The following THADA variants were observed in gnomAD, a reference collection of about 807,000 sequenced individuals.
THADA encodes THADA armadillo repeat containing, also known as tRNA (32-2'-O)-methyltransferase regulator THADA.
A neutral mutation model predicts 219.8 loss-of-function variants in THADA; 213 were observed. The ratio of observed to expected loss-of-function variants is 0.97; its 90% CI spans 0.87 to 1.09. The LOEUF (loss-of-function observed/expected upper bound fraction) is 1.09, where lower values mean the gene tolerates loss of function less well. Ranked by LOEUF, THADA falls within the 50% of genes least tolerant of loss-of-function variation. THADA has a pLI of 0.00. For synonymous variants in THADA, 1,018 were observed against 828.9 expected (o/e 1.23, Z -3.92); for missense variants, 2,956 against 2,311.3 (o/e 1.28, Z -5.72).
intron 22 of THADA, 37 bp downstream of exon 22, chr2:43,527,842 T>G: frequency 7.0e-7 from 1 of 1,432,596 alleles, no homozygotes; most frequent in Non-Finnish European, 9.8e-7. Context: ...GTATATTTAG[T>G]CTTTTTAAAA....
chr2:43,331,016 G>C (rs1435409958), intron 30 of THADA, among the ~76,000 whole-genome samples: 2 of 152,204 alleles, frequency 1.3e-5, no homozygotes, highest in African/African-American at 4.8e-5. Flanking sequence ...TAGGGAGTTA[G>C]GGTGCTTCTC....
chr2:43,286,692 T>G (rs1366679190), intron 35 of THADA, among the ~76,000 whole-genome samples: 1 of 151,902 alleles, frequency 6.6e-6, no homozygotes, highest in Non-Finnish European at 1.5e-5. Context: ...ACCACTGCAC[T>G]CCAGCCTGGG....
At chr2:43,258,105 C>T (rs1044404624) in intron 36 of THADA, among the ~76,000 whole-genome samples, 17 of 152,112 alleles carry the variant, frequency 1.1e-4, no homozygotes, top group Admixed American at 5.2e-4. Context: ...CAGCGGCCCA[C>T]GGAGCAGGCT....
rs1409989429 is a variant in THADA at position 43,595,954 on chromosome 2, A to G, written c.-48T>C. ...ACCTCGTGCACGTCGGCGTCTGAGA[A>G]GAGTCGCAGGCGCCTGGTCCAGTCC... is the stretch of plus-strand genomic sequence containing the variant. On this transcript the variant is annotated 5_prime_UTR_variant, in exon 1 of 38. Transcript: ENST00000405975. 6.6e-6 allele frequency: 1 copy of G among 152,348 alleles called. No homozygotes were observed. The highest frequency in any genetic ancestry group is 1.5e-5 in the Non-Finnish European group (1 of 68,042). The allele number at this position is 152,348 out of a possible 1,614,324, so 9.4% of individuals were successfully genotyped here. A position where few individuals can be genotyped will look rare whatever the true frequency, so the allele number is the denominator to read the frequency against.
chr2:43,538,073 G>A (rs1284132931), intron 21 of THADA, among the ~76,000 whole-genome samples: 1 of 152,038 alleles, frequency 6.6e-6, no homozygotes. Flanking sequence ...AATCTACCTA[G>A]TAGTTTCTTT....
rs1203838166 is a variant in THADA at position 43,566,705 on chromosome 2, G to T, written c.2304C>A (p.Val768=). 1 of 1,605,994 alleles carries T rather than the reference G, an allele frequency of 6.2e-7. No individual in the cohort carries two copies. The highest frequency in any genetic ancestry group is 2.2e-5 in the East Asian group (1 of 44,654). ...ACATTATTAAACACTTACCTTCTGG[G>T]ACATGAAAAACTTCAGCTATTGAAC... The part of the protein sequence containing the change: ...ILGSIAEVFH[V]PEGRIYTVYQ... Residue 768 remains valine, a synonymous_variant, in exon 15 of 38, where the codon GTC becomes GTA. Transcript: ENST00000405975.
chr2:43,271,261 A>G (rs941475410), intron 36 of THADA, among the ~76,000 whole-genome samples: 2 of 152,164 alleles, frequency 1.3e-5, no homozygotes, highest in African/African-American at 4.8e-5. Context: ...TTAGTCCAGG[A>G]TTTTCTACAG....
At chr2:43,494,319 T>A (rs1688004235) in intron 25 of THADA, among the ~76,000 whole-genome samples, 1 of 152,224 alleles carries the variant, frequency 6.6e-6, no homozygotes. Context: ...TCATCTTTCC[T>A]TGCCTCACTT....
At chr2:43,356,775 GA>G (rs1371644789) in intron 29 of THADA, among the ~76,000 whole-genome samples, 3 of 152,136 alleles carry the variant, frequency 2.0e-5, no homozygotes, top group Non-Finnish European at 4.4e-5. Flanking sequence ...TAAGTTGAAA[GA>G]AAAAATATTT....
intron 25 of THADA, among the ~76,000 whole-genome samples, chr2:43,497,953 C>T (rs1030075416): frequency 7.2e-5 from 11 of 151,912 alleles, no homozygotes; most frequent in African/African-American, 2.4e-4. Flanking sequence ...CACCATGGCA[C>T]GCTTATATCT....
chr2:43,339,326 G>A (rs1238641534), intron 30 of THADA, among the ~76,000 whole-genome samples: 1 of 152,194 alleles, frequency 6.6e-6, no homozygotes, highest in Non-Finnish European at 1.5e-5. Context: ...TGTTGCTCGG[G>A]TTGGAATGCA....
At chr2:43,518,138 T>G (rs570492674) in intron 22 of THADA, among the ~76,000 whole-genome samples, 4 of 152,298 alleles carry the variant, frequency 2.6e-5, no homozygotes, top group Non-Finnish European at 5.9e-5. Flanking sequence ...TTCCTGTTAT[T>G]TCTCTATTCC....
At chr2:43,429,426 A>G (rs982731935) in intron 27 of THADA, among the ~76,000 whole-genome samples, 9 of 152,086 alleles carry the variant, frequency 5.9e-5, no homozygotes, top group African/African-American at 1.7e-4. Flanking sequence ...TTTTAAGACA[A>G]TGGTGAACTA....
At chr2:43,288,615 T>G (rs545902945) in intron 34 of THADA, among the ~76,000 whole-genome samples, 2 of 152,344 alleles carry the variant, frequency 1.3e-5, no homozygotes, top group South Asian at 4.1e-4. Context: ...AGCTTTGGGG[T>G]GTGCCACTCT....
intron 36 of THADA, among the ~76,000 whole-genome samples, chr2:43,276,576 C>T (rs758657338): frequency 4.1e-4 from 62 of 152,066 alleles, no homozygotes; most frequent in Non-Finnish European, 7.9e-4. Context: ...AGAAAGTGCC[C>T]GTGGGGACCG....
intron 31 of THADA, 90 bp downstream of exon 31, chr2:43,320,356 G>T: frequency 2.4e-6 from 2 of 848,840 alleles, no homozygotes; most frequent in South Asian, 3.4e-5. Flanking sequence ...AGTAGAAGGT[G>T]GAGCAGTGTG....
chr2:43,393,600 C>T (rs1245708105), intron 29 of THADA, among the ~76,000 whole-genome samples: 5 of 151,550 alleles, frequency 3.3e-5, no homozygotes, highest in East Asian at 1.9e-4. Context: ...CCAAGCTACT[C>T]GGGAGGCTAA....
At chr2:43,268,615 C>T (rs1288394300) in intron 36 of THADA, among the ~76,000 whole-genome samples, 2 of 152,336 alleles carry the variant, frequency 1.3e-5, no homozygotes, top group East Asian at 3.9e-4. Context: ...TGAGGGCTTC[C>T]CAGGTCTCTG....
chr2:43,355,924 A>C (rs1252669953), intron 29 of THADA, among the ~76,000 whole-genome samples: 1 of 152,240 alleles, frequency 6.6e-6, no homozygotes, highest in African/African-American at 2.4e-5. Flanking sequence ...ATAATATAAA[A>C]ATGTGAAAAA....
Sources: gnomAD v4.1 joint callset for allele counts (sites outside exome capture counted in the v4.1 genomes callset) on GRCh38, gnomAD v4.1.1 for gene constraint, MANE v1.5 for transcripts, NCBI Gene and HGNC (gene_info 2026-07-23, HGNC 2026-07-21) for gene names.